Variants in BAIAP2L2 observed in about 807,000 individuals in gnomAD.
The protein encoded by BAIAP2L2 is BAR/IMD domain-containing adapter protein 2-like 2.
BAIAP2L2 carries 65 observed loss-of-function variants against 60.4 expected under a neutral mutation model. The ratio of observed to expected loss-of-function variants is 1.08; its 90% CI spans 0.88 to 1.32. The LOEUF is 1.32. Among genes scored for constraint, BAIAP2L2 ranks in the 40% most tolerant of loss-of-function variants. The pLI is 0.00. For synonymous variants in BAIAP2L2, 344 were observed against 301.7 expected, an observed-to-expected ratio of 1.14 and a Z score of -1.45; for missense variants, 836 against 741.2, an observed-to-expected ratio of 1.13 and a Z score of -1.48.
intron 11 of BAIAP2L2, among the ~76,000 whole-genome samples, chr22:38,086,726 T>TGA (rs1185813277): frequency 2.0e-5 from 3 of 152,030 alleles, no homozygotes; most frequent in Non-Finnish European, 2.9e-5. Context: ...CTGGGTGCAG[T>TGA]GACTCACGCC....
At chr22:38,093,480 CAAG>C (rs2086356313) in intron 7 of BAIAP2L2, among the ~76,000 whole-genome samples, 3 of 152,214 alleles carry the variant, frequency 2.0e-5, no homozygotes, top group Admixed American at 2.0e-4. Context: ...AGGAGGCAGT[CAAG>C]GAGGGGGTCA....
intron 7 of BAIAP2L2, among the ~76,000 whole-genome samples, chr22:38,092,928 C>G (rs75635849): frequency 5.3e-5 from 8 of 151,898 alleles, no homozygotes; most frequent in Admixed American, 5.3e-4. Flanking sequence ...TTTGGGAGGC[C>G]GAGGTGGGTG....
chr22:38,110,882 TG>T, upstream of BAIAP2L2, among the ~76,000 whole-genome samples: 1 of 152,162 alleles, frequency 6.6e-6, no homozygotes. Flanking sequence ...ACCCCAACCC[TG>T]GGGGGCCCCG....
In BAIAP2L2 at chr22:38,098,132, G is replaced by C; in HGVS notation, c.396C>G (p.Asn132Lys). The change falls in exon 6 of 14, where the codon AAC (asparagine) becomes AAG (lysine). Residue 132 changes from asparagine (N) to lysine (K), a missense_variant. Transcript: ENST00000381669. ...YELEYRHRAA[N>K]LEKCMSELWR... is the part of the protein sequence containing the mutation. ...ACAGCTCAGACATGCACTTCTCCAG[G>C]TTGGCCGCTCGGTGGCGGTACTCGA... 6.2e-7 allele frequency: 1 copy of C among 1,614,100 alleles called. No homozygotes were observed. The highest frequency in any genetic ancestry group is 1.6e-4 in the Middle Eastern group (1 of 6,062).
rs2086016971 is a variant in BAIAP2L2 at position 38,085,169 on chromosome 22, G to A, written c.*131C>T. On this transcript the variant is annotated 3_prime_UTR_variant, in exon 14 of 14. Transcript: ENST00000381669. ...GCTGCTCAGGCTGCCGGGGTGGTCTGGGGAGGGCAGCCACCCCCCGTCTCA... is the reference window on the plus strand; with the variant it reads ...GCTGCTCAGGCTGCCGGGGTGGTCTAGGGAGGGCAGCCACCCCCCGTCTCA... 3.2e-6 allele frequency: 3 copies of A among 946,410 alleles called. No homozygotes were observed. The East Asian group carries it at 8.1e-5, about 25-fold the overall frequency. 58.6% of individuals were successfully genotyped at this position (946,410 alleles called of 1,614,324 possible). A position where few individuals can be genotyped will look rare whatever the true frequency, so the allele number is the denominator to read the frequency against.
chr22:38,108,984 T>A, intron 2 of BAIAP2L2, 149 bp downstream of exon 2: 2 of 716,136 alleles, frequency 2.8e-6, no homozygotes, highest in Non-Finnish European at 4.8e-6. Context: ...CCTCTCTGGC[T>A]GCAGAGGTGT....
chr22:38,093,152 G>C (rs2086347529), intron 7 of BAIAP2L2, among the ~76,000 whole-genome samples: 1 of 152,126 alleles, frequency 6.6e-6, no homozygotes, highest in Admixed American at 6.6e-5. Context: ...AGCAACAAGA[G>C]CAGAACTCCA....
chr22:38,095,967 A>T (rs934745751), intron 7 of BAIAP2L2, among the ~76,000 whole-genome samples: 3 of 152,222 alleles, frequency 2.0e-5, no homozygotes, highest in Non-Finnish European at 2.9e-5. Context: ...AAGTTATCTA[A>T]AAGGAATAAA....
intron 4 of BAIAP2L2, among the ~76,000 whole-genome samples, chr22:38,099,310 G>A (rs1316286137): frequency 1.3e-5 from 2 of 152,062 alleles, no homozygotes; most frequent in Non-Finnish European, 2.9e-5. Context: ...GAGGTGGGTG[G>A]ATCACCTGAG....
Position 38,107,906 on chromosome 22 carries a change from G to C in BAIAP2L2, c.222C>G (p.Ile74Met). 1.2e-6 allele frequency: 2 copies of C among 1,613,450 alleles called. No homozygotes were observed. The highest frequency in any genetic ancestry group is 1.7e-6 in the Non-Finnish European group (2 of 1,179,920). The change falls in exon 4 of 14, where the codon ATC (isoleucine) becomes ATG (methionine). Residue 74 changes from isoleucine to methionine, a missense_variant. By Grantham distance (10) the Ile-to-Met change is conservative. Transcript: ENST00000381669. ...GCTGGGTGTCAGACATCTGCACCAA[G>C]ATCTCCCCTGGAGGCATGGATGCAG... ...QSPTSQILGE[I>M]LVQMSDTQRH... is the part of the protein sequence containing the mutation.
At chr22:38,094,974 AAACCCTGTCTCT>A (rs1335564837) in intron 7 of BAIAP2L2, among the ~76,000 whole-genome samples, 3 of 152,150 alleles carry the variant, frequency 2.0e-5, no homozygotes, top group Non-Finnish European at 2.9e-5. Context: ...CAACATGGTG[AAACCCTGTCTCT>A]ACTAAAAATA....
chr22:38,085,096 C>T lies in BAIAP2L2; in HGVS notation c.*204G>A, dbSNP rs1388303503. 9.1e-6 allele frequency: 5 copies of T among 552,012 alleles called. No homozygotes were observed. The highest frequency in any genetic ancestry group is 1.6e-5 in the Non-Finnish European group (5 of 308,666). 34.2% of individuals were successfully genotyped at this position (552,012 alleles called of 1,614,324 possible). ...GGAGAAATTGTCCTGTCCCCCCATT[C>T]CGCCTGCTTTACTTTGAAGGTCTCG... On this transcript the variant is annotated 3_prime_UTR_variant, in exon 14 of 14. Transcript: ENST00000381669.
chr22:38,107,100 TG>T (rs751310194), intron 4 of BAIAP2L2, among the ~76,000 whole-genome samples: 57 of 152,260 alleles, frequency 3.7e-4, no homozygotes, highest in Non-Finnish European at 6.8e-4. Flanking sequence ...GATAGGTAAG[TG>T]GAGGCATAGA....
intron 7 of BAIAP2L2, chr22:38,091,277 C>CA (rs1267404779): frequency 2.6e-5 from 4 of 152,218 alleles, no homozygotes; most frequent in Non-Finnish European, 5.9e-5. Flanking sequence ...AGGCTGGTCT[C>CA]AAAGTCCTCA....
intron 4 of BAIAP2L2, among the ~76,000 whole-genome samples, chr22:38,105,303 G>A (rs1392272851): frequency 2.0e-5 from 3 of 150,290 alleles, no homozygotes; most frequent in South Asian, 2.1e-4. Context: ...TGTATTCCTG[G>A]CTAATGCCCT....
intron 6 of BAIAP2L2, among the ~76,000 whole-genome samples, chr22:38,097,727 G>A (rs1465649931): frequency 6.6e-6 from 1 of 152,074 alleles, no homozygotes; most frequent in African/African-American, 2.4e-5. Flanking sequence ...AGGATGGGCG[G>A]CTGGTGGATG....
intron 1 of BAIAP2L2, among the ~76,000 whole-genome samples, chr22:38,109,712 C>T (rs892798796): frequency 9.2e-5 from 14 of 151,996 alleles, no homozygotes; most frequent in African/African-American, 2.2e-4. Context: ...TGGGCCTCCT[C>T]GGGCTGGGGC....
chr22:38,106,498 C>A (rs1022889748), intron 4 of BAIAP2L2, among the ~76,000 whole-genome samples: 1 of 138,940 alleles, frequency 7.2e-6, no homozygotes, highest in African/African-American at 2.7e-5. Flanking sequence ...CCAGCCTGGA[C>A]GACAGAGCAA....
At chr22:38,094,061 C>T (rs2145980448) in intron 7 of BAIAP2L2, 1 of 454,354 alleles carries the variant, frequency 2.2e-6, no homozygotes, top group Middle Eastern at 3.4e-4. Context: ...CAAAAGAGCA[C>T]ACACATTGTA....
Sources: allele counts gnomAD v4.1 joint callset (sites outside exome capture counted in the v4.1 genomes callset), GRCh38; gene constraint gnomAD v4.1.1; transcripts MANE v1.5; gene names NCBI Gene and HGNC (gene_info 2026-07-23, HGNC 2026-07-21).